Variants in TRAPPC6B observed in about 807,000 individuals in gnomAD.
The protein encoded by TRAPPC6B is TRAPP complex subunit 6B.
TRAPPC6B carries 27 observed loss-of-function variants against 24.7 expected under a neutral mutation model. That is an observed-to-expected ratio of 1.09 (90% CI 0.81 to 1.51). The LOEUF (loss-of-function observed/expected upper bound fraction) is 1.51. TRAPPC6B is among the 40% of genes most tolerant of loss of function. TRAPPC6B has a pLI of 0.00. For synonymous variants in TRAPPC6B, 80 were observed against 66.6 expected, an observed-to-expected ratio of 1.20 and a Z score of -0.98; for missense variants, 212 against 190.8, an observed-to-expected ratio of 1.11 and a Z score of -0.66.
Position 39,163,540 on chromosome 14 carries a change from C to T in TRAPPC6B, c.82-3990G>A, listed in dbSNP as rs548519374. Among the ~76,000 whole-genome samples the T allele has an allele frequency of 6.2e-4, 93 of 150,940 alleles. 8 individuals carry two copies. The highest frequency in any genetic ancestry group is 2.2e-3 in the African/African-American group (88 of 40,270). On this transcript the variant is annotated intron_variant, in intron 1 of 5. Transcript: ENST00000330149. ...TTTGATACTCAGTCCCACTTCCTTG[C>T]TTAATCTGTCTCCACAGAACTTCTT... is the stretch of plus-strand genomic sequence containing the variant.
rs754225935 is a variant in TRAPPC6B, at chr14:39,159,467, A to C, written c.149+16T>G. The stretch of plus-strand genomic sequence containing the variant: ...TAACCTACCTGCAAGAAAATTTTCA[A>C]ATCCAACCTGCTCACCTTTCTATCA... On this transcript the variant is annotated intron_variant, in intron 2 of 5. Coordinates refer to ENST00000330149, the MANE Select transcript of TRAPPC6B (RefSeq NM_001079537.2). 1.9e-6 allele frequency: 3 copies of C among 1,565,306 alleles called. No individual in the cohort carries two copies. The highest frequency in any genetic ancestry group is 1.8e-5 in the Admixed American group (1 of 54,906).
At chr14:39,154,714 C>G (rs2052955610) in intron 3 of TRAPPC6B, among the ~76,000 whole-genome samples, 1 of 152,030 alleles carries the variant, frequency 6.6e-6, no homozygotes, top group African/African-American at 2.4e-5. Flanking sequence ...GCCCACGTGC[C>G]CAGCCTGGTC....
intron 1 of TRAPPC6B, among the ~76,000 whole-genome samples, chr14:39,167,989 A>AC (rs1275175178): frequency 6.6e-6 from 1 of 152,178 alleles, no homozygotes; most frequent in Non-Finnish European, 1.5e-5. Flanking sequence ...CAAGGCGGGC[A>AC]GATCACCTGA....
rs1566544264 is a variant in TRAPPC6B, at chr14:39,149,825, G to A, written c.*525C>T. On this transcript the variant is annotated 3_prime_UTR_variant, in exon 6 of 6. Coordinates refer to ENST00000330149, the MANE Select transcript of TRAPPC6B (RefSeq NM_001079537.2). ...ATTAAATTTATAAACAATTTAGGCAGTCATATATGTATTTATATATACACA... is the reference window on the plus strand; with the variant it reads ...ATTAAATTTATAAACAATTTAGGCAATCATATATGTATTTATATATACACA... The A allele has an allele frequency of 6.6e-6, 1 of 152,048 alleles. No individual in the cohort carries two copies. The highest frequency in any genetic ancestry group is 6.6e-5 in the Admixed American group (1 of 15,262). The allele number at this position is 152,048 out of a possible 1,614,324, so 9.4% of individuals were successfully genotyped here.
chr14:39,156,704 T>C (rs1049161778), intron 3 of TRAPPC6B: 13 of 152,204 alleles, frequency 8.5e-5, no homozygotes, highest in African/African-American at 2.4e-4. Flanking sequence ...AATTAGACTT[T>C]AGAAATGACT....
In TRAPPC6B at chr14:39,150,197, C is replaced by T; in HGVS notation, c.*153G>A. 1.6e-6 allele frequency: 1 copy of T among 644,654 alleles called. No individual in the cohort carries two copies. Among genetic ancestry groups the T allele is most frequent in the African/African-American group, 1.9e-5 (1 of 51,630 alleles). The allele number at this position is 644,654 out of a possible 1,614,324, so 39.9% of individuals were successfully genotyped here. On this transcript the variant is annotated 3_prime_UTR_variant, in exon 6 of 6. Transcript: ENST00000330149. ...AAGTGTATGTCATGGCAGAATGTCC[C>T]TTCATCTCCTTTGATCTGTGTTAAA... is the stretch of plus-strand genomic sequence containing the variant.
chr14:39,154,839 T>C (rs781699951), intron 3 of TRAPPC6B, among the ~76,000 whole-genome samples: 1 of 152,238 alleles, frequency 6.6e-6, no homozygotes, highest in Non-Finnish European at 1.5e-5. Flanking sequence ...ATAAAAACAC[T>C]GTCTGAGACA....
rs1462439999 is a variant in TRAPPC6B at position 39,149,093 on chromosome 14, A to C, written c.*1257T>G. On this transcript the variant is annotated 3_prime_UTR_variant, in exon 6 of 6. Transcript: ENST00000330149. ...TAGGGCACATAACTAGAATTTAATA[A>C]ATCAAGTTAAACAAATTATCTTTGT... 4.3e-6 allele frequency: 1 copy of C among 231,902 alleles called. No homozygotes were observed. Among genetic ancestry groups the C allele is most frequent in the Non-Finnish European group, 8.3e-6 (1 of 121,070 alleles). 14.4% of individuals were successfully genotyped at this position (231,902 alleles called of 1,614,324 possible).
In TRAPPC6B at chr14:39,150,325, T is replaced by C. The variant is rs773126055; in HGVS notation, c.*25A>G. Reference sequence around the variant, plus strand: ...ATGAATAATTTATCTCTTTACACTGTTGAAGCCTTGCATTTCAGTATGTTC... The same window carrying C: ...ATGAATAATTTATCTCTTTACACTGCTGAAGCCTTGCATTTCAGTATGTTC... On this transcript the variant is annotated 3_prime_UTR_variant, in exon 6 of 6. Transcript: ENST00000330149. 3.8e-6 allele frequency: 6 copies of C among 1,574,596 alleles called. No homozygotes were observed. In the Admixed American group the frequency reaches 5.6e-5, roughly 15 times the overall value.
At chr14:39,152,380 A>G (rs893001464) in intron 4 of TRAPPC6B, among the ~76,000 whole-genome samples, 6 of 152,182 alleles carry the variant, frequency 3.9e-5, no homozygotes, top group Non-Finnish European at 5.9e-5. Flanking sequence ...TGAAAGTATC[A>G]ACAGTTTGGA....
rs578063605 is a variant in TRAPPC6B at position 39,147,955 on chromosome 14, G to C, written c.*2395C>G. On this transcript the variant is annotated 3_prime_UTR_variant, in exon 6 of 6. Coordinates refer to ENST00000330149, the MANE Select transcript of TRAPPC6B (RefSeq NM_001079537.2). Reference sequence around the variant, plus strand: ...TCTCCCTTTGTTTCTACTAAGAGAGGTTTCTTTTTGGCTACAAGTAACAAT... The same window carrying C: ...TCTCCCTTTGTTTCTACTAAGAGAGCTTTCTTTTTGGCTACAAGTAACAAT... 14 of 152,238 alleles carry C rather than the reference G, an allele frequency of 9.2e-5. No individual in the cohort carries two copies. In the East Asian group the frequency reaches 2.7e-3, roughly 29 times the overall value. 9.4% of individuals were successfully genotyped at this position (152,238 alleles called of 1,614,324 possible). A position where few individuals can be genotyped will look rare whatever the true frequency, so the allele number is the denominator to read the frequency against.
In TRAPPC6B at chr14:39,159,531, G is replaced by C; in HGVS notation, c.101C>G (p.Thr34Ser). The change falls in exon 2 of 6, where the codon ACT (threonine) becomes AGT (serine). Residue 34 changes from threonine (T) to serine (S), a missense_variant. Thr to Ser is a moderately conservative substitution (Grantham distance 58). Coordinates refer to ENST00000330149, the MANE Select transcript of TRAPPC6B (RefSeq NM_001079537.2). ...QGEVENGRCI[T>S]KLENMGFRVG... ...TCGAAACCCCATGTTTTCCAGCTTA[G>C]TAATACATCGTCCGTTTTCCTATTT... 1 of 1,604,156 alleles carries C rather than the reference G, an allele frequency of 6.2e-7. No homozygotes were observed. Among genetic ancestry groups the C allele is most frequent in the Non-Finnish European group, 8.5e-7 (1 of 1,174,742 alleles).
intron 1 of TRAPPC6B, among the ~76,000 whole-genome samples, chr14:39,163,790 T>C (rs1261783883): frequency 1.3e-5 from 2 of 151,004 alleles, no homozygotes; most frequent in Admixed American, 6.6e-5. Context: ...GCGTTTCTAG[T>C]ACAGACTTTA....
Position 39,170,178 on chromosome 14 carries a change from GC to G in TRAPPC6B, c.-84del. On this transcript the variant is annotated 5_prime_UTR_variant, in exon 1 of 6. Coordinates refer to ENST00000330149, the MANE Select transcript of TRAPPC6B (RefSeq NM_001079537.2). ...TTCCAGCTCGCGCCTCAGCGACTTC[GC>G]CGGCGCCGCGGCTCCGTCAGGCCGC... 7.2e-7 allele frequency: 1 copy of G among 1,395,882 alleles called. No individual in the cohort carries two copies. Among genetic ancestry groups the G allele is most frequent in the Non-Finnish European group, 1.0e-6 (1 of 998,048 alleles). The allele number at this position is 1,395,882 out of a possible 1,614,324, so 86.5% of individuals were successfully genotyped here. A position where few individuals can be genotyped will look rare whatever the true frequency, so the allele number is the denominator to read the frequency against.
chr14:39,158,321 G>T lies in TRAPPC6B; in HGVS notation c.231C>A (p.Phe77Leu), dbSNP rs1462967919. 1 of 1,600,808 alleles carries T rather than the reference G, an allele frequency of 6.2e-7. No individual in the cohort carries two copies. The highest frequency in any genetic ancestry group is 1.8e-5 in the Admixed American group (1 of 56,172). Residue 77 changes from phenylalanine (F) to leucine (L), a missense_variant, in exon 3 of 6, where the codon TTC (phenylalanine) becomes TTA (leucine). By Grantham distance (22) the Phe-to-Leu change is conservative. Transcript: ENST00000330149. The part of the protein sequence containing the change: ...FICKDFWTTV[F>L]KKQIDNLRTN... The stretch of plus-strand genomic sequence containing the variant: ...TCCTTAGATTGTCGATTTGTTTCTT[G>T]AATACCGTAGTCCAAAAATCTTTAC...
intron 3 of TRAPPC6B, chr14:39,157,351 C>G: frequency 2.9e-6 from 1 of 340,568 alleles, no homozygotes; most frequent in Non-Finnish European, 5.7e-6. Flanking sequence ...GCTGCTTAAG[C>G]TGGCCCACAA....
In TRAPPC6B at chr14:39,170,078, C is replaced by A; in HGVS notation, c.18G>T (p.Leu6Phe). Reference protein sequence around the residue: MADEALFLLLHNEMVS... With the variant: MADEAFFLLLHNEMVS... Reference sequence around the variant, plus strand: ...CCATCTCGTTATGGAGAAGCAAAAACAACGCCTCATCCGCCATTTCCTGCT... The same window carrying A: ...CCATCTCGTTATGGAGAAGCAAAAAAAACGCCTCATCCGCCATTTCCTGCT... The change falls in exon 1 of 6, where the codon TTG becomes TTT. Residue 6 changes from leucine (L) to phenylalanine (F), a missense_variant. Transcript: ENST00000330149. The A allele has an allele frequency of 6.2e-7, 1 of 1,614,222 alleles. No homozygotes were observed. Among genetic ancestry groups the A allele is most frequent in the Non-Finnish European group, 8.5e-7 (1 of 1,180,022 alleles).
intron 1 of TRAPPC6B, among the ~76,000 whole-genome samples, chr14:39,162,065 T>C (rs1390879402): frequency 2.0e-5 from 3 of 152,238 alleles, no homozygotes; most frequent in Non-Finnish European, 4.4e-5. Flanking sequence ...ATCAAAGTTT[T>C]AGGTCACTTC....
At chr14:39,151,545 T>C (rs2052913668) in intron 5 of TRAPPC6B, among the ~76,000 whole-genome samples, 1 of 152,166 alleles carries the variant, frequency 6.6e-6, no homozygotes, top group Non-Finnish European at 1.5e-5. Context: ...AATTGTCTTA[T>C]AAATTTGGAT....
Sources: gnomAD v4.1 joint callset for allele counts (sites outside exome capture counted in the v4.1 genomes callset) on GRCh38, gnomAD v4.1.1 for gene constraint, MANE v1.5 for transcripts, NCBI Gene and HGNC (gene_info 2026-07-23, HGNC 2026-07-21) for gene names.